The following ASB3 variants were observed in gnomAD, a reference collection of about 807,000 sequenced individuals.
ASB3 encodes ankyrin repeat and SOCS box containing 3.
ASB3 carries 41 observed loss-of-function variants against 54.5 expected under a neutral mutation model. That is an observed-to-expected ratio of 0.75 (90% CI 0.59 to 0.98). ASB3 has a LOEUF of 0.98. ASB3 is among the 50% of genes least tolerant of loss of function. ASB3 has a pLI of 0.00. For synonymous variants in ASB3, 266 were observed against 221.2 expected (o/e 1.20, Z -1.80); for missense variants, 733 against 620.0 (o/e 1.18, Z -1.94).
intron 9 of ASB3, among the ~76,000 whole-genome samples, chr2:53,686,963 G>C (rs1051790417): frequency 6.6e-6 from 1 of 152,106 alleles, no homozygotes; most frequent in African/African-American, 2.4e-5. Context: ...CAGGTGATCC[G>C]CCTGCCTTGG....
At position 53,736,113 on chromosome 2, in the gene ASB3, C is replaced by T. The variant is rs1168096964; in HGVS notation, c.356-6543G>A. Among the ~76,000 whole-genome samples, 11 of 151,748 alleles carry T rather than the reference C, an allele frequency of 7.2e-5. No homozygotes were observed. In the East Asian group the frequency reaches 1.9e-3, roughly 27 times the overall value. On this transcript the variant is annotated intron_variant, in intron 3 of 9. Transcript: ENST00000263634. ...TAAAGGTAAATAGTGATAAATTGGA[C>T]CACGTTAAAATTAAGAACTCCTTAA...
chr2:53,767,851 G>A, intron 1 of ASB3: 1 of 1,580,834 alleles, frequency 6.3e-7, no homozygotes, highest in South Asian at 1.1e-5. Flanking sequence ...CGACAGCTAG[G>A]GTTCACGGCC....
At chr2:53,690,254 T>TAAA (rs1202388490) in intron 9 of ASB3, among the ~76,000 whole-genome samples, 16 of 149,684 alleles carry the variant, frequency 1.1e-4, no homozygotes, top group African/African-American at 2.5e-4. Flanking sequence ...AATAAATAAA[T>TAAA]TAATTAATTA....
At chr2:53,780,156 A>G (rs538488468) in intron 1 of ASB3, among the ~76,000 whole-genome samples, 6 of 152,204 alleles carry the variant, frequency 3.9e-5, no homozygotes, top group Non-Finnish European at 8.8e-5. Flanking sequence ...TCAGTAATCA[A>G]AATGTCTTCC....
chr2:53,717,344 A>T (rs1395466059), intron 5 of ASB3, among the ~76,000 whole-genome samples: 1 of 152,204 alleles, frequency 6.6e-6, no homozygotes, highest in Non-Finnish European at 1.5e-5. Flanking sequence ...TATGACATAT[A>T]TGGGAGCCAC....
At chr2:53,767,859 G>C in intron 1 of ASB3, 1 of 1,588,510 alleles carries the variant, frequency 6.3e-7, no homozygotes, top group East Asian at 2.3e-5. Flanking sequence ...AGGGTTCACG[G>C]CCACTGGGGC....
intron 3 of ASB3, among the ~76,000 whole-genome samples, chr2:53,742,037 C>T (rs1572948229): frequency 6.6e-6 from 1 of 152,182 alleles, no homozygotes; most frequent in East Asian, 1.9e-4. Flanking sequence ...AAACTAAGTA[C>T]CAGGAAAAAA....
chr2:53,720,322 C>T (rs992790783), intron 5 of ASB3, among the ~76,000 whole-genome samples: 2 of 152,114 alleles, frequency 1.3e-5, no homozygotes, highest in Non-Finnish European at 2.9e-5. Context: ...GCATATGTTG[C>T]CAGGACCTCC....
chr2:53,696,339 C>T (rs1049726462), intron 8 of ASB3, among the ~76,000 whole-genome samples: 33 of 152,178 alleles, frequency 2.2e-4, no homozygotes, highest in African/African-American at 7.5e-4. Flanking sequence ...ACAGCACACA[C>T]CCAATGGCTT....
At chr2:53,772,396 A>C (rs370303924) in intron 1 of ASB3, among the ~76,000 whole-genome samples, 12 of 152,012 alleles carry the variant, frequency 7.9e-5, no homozygotes, top group Non-Finnish European at 1.8e-4. Context: ...GGATGGTCTC[A>C]ATCTCCCGAC....
At chr2:53,755,178 G>A (rs987513902) in intron 2 of ASB3, among the ~76,000 whole-genome samples, 2 of 152,200 alleles carry the variant, frequency 1.3e-5, no homozygotes, top group Non-Finnish European at 2.9e-5. Context: ...TTCACAACTT[G>A]TGAGTTATTT....
chr2:53,706,774 C>A (rs1669796877), intron 7 of ASB3, among the ~76,000 whole-genome samples: 1 of 152,014 alleles, frequency 6.6e-6, no homozygotes, highest in African/African-American at 2.4e-5. Context: ...GGAAGTCTTC[C>A]CCCAGCATTC....
chr2:53,696,133 G>A (rs1409516520), intron 8 of ASB3, among the ~76,000 whole-genome samples: 1 of 152,056 alleles, frequency 6.6e-6, no homozygotes, highest in Non-Finnish European at 1.5e-5. Flanking sequence ...ACCATGTTAA[G>A]CATTTTCATT....
At chr2:53,741,358 G>T (rs1671925057) in intron 3 of ASB3, among the ~76,000 whole-genome samples, 1 of 152,214 alleles carries the variant, frequency 6.6e-6, no homozygotes. Context: ...GTCACAAACT[G>T]GCTGTCAATG....
At position 53,700,502 on chromosome 2, in the gene ASB3, A is replaced by G; in HGVS notation, c.1007T>C (p.Ile336Thr). ...TATCTGGGCTCCATATTTCAAAAGAATGTTCACAATTCCAAAGAACTCACA... is the reference window on the plus strand; with the variant it reads ...TATCTGGGCTCCATATTTCAAAAGAGTGTTCACAATTCCAAAGAACTCACA... The part of the protein sequence containing the change: ...KDCEFFGIVN[I>T]LLKYGAQINE... The change falls in exon 8 of 10, where the codon ATT becomes ACT. Residue 336 changes from isoleucine (I) to threonine (T), a missense_variant. Ile to Thr is a moderately conservative substitution (Grantham distance 89). Coordinates refer to ENST00000263634, the MANE Select transcript of ASB3 (RefSeq NM_016115.5). The G allele has an allele frequency of 1.2e-6, 2 of 1,612,086 alleles. No homozygotes were observed. Among genetic ancestry groups the G allele is most frequent in the Non-Finnish European group, 1.7e-6 (2 of 1,179,326 alleles).
chr2:53,670,324 G>T lies in ASB3; in HGVS notation c.*179C>A. Reference sequence around the variant, plus strand: ...TTTTTTTTTTTTTTTTTTTTACTGGGAAGGCTAGTTGTAAACATAAACATT... The same window carrying T: ...TTTTTTTTTTTTTTTTTTTTACTGGTAAGGCTAGTTGTAAACATAAACATT... On this transcript the variant is annotated 3_prime_UTR_variant, in exon 10 of 10. Coordinates refer to ENST00000263634, the MANE Select transcript of ASB3 (RefSeq NM_016115.5). The T allele has an allele frequency of 6.5e-6, 2 of 306,246 alleles. No individual in the cohort carries two copies. The highest frequency in any genetic ancestry group is 1.1e-5 in the Non-Finnish European group (2 of 177,554). The allele number at this position is 306,246 out of a possible 1,614,324, so 19.0% of individuals were successfully genotyped here. A position where few individuals can be genotyped will look rare whatever the true frequency, so the allele number is the denominator to read the frequency against.
chr2:53,675,051 C>T (rs2103632249), intron 9 of ASB3, among the ~76,000 whole-genome samples: 1 of 152,284 alleles, frequency 6.6e-6, no homozygotes, highest in African/African-American at 2.4e-5. Context: ...TCTAAATATT[C>T]TGACTTTCAG....
chr2:53,752,935 G>A (rs1340604674), intron 2 of ASB3, among the ~76,000 whole-genome samples: 1 of 151,708 alleles, frequency 6.6e-6, no homozygotes, highest in African/African-American at 2.4e-5. Context: ...TTGTAAAGTA[G>A]AAAAGATGTT....
chr2:53,716,051 A>G lies in ASB3; in HGVS notation c.782+515T>C, dbSNP rs139703153. Among the ~76,000 whole-genome samples the G allele has an allele frequency of 2.3e-4, 35 of 152,306 alleles. No homozygotes were observed. In the East Asian group the frequency reaches 5.2e-3, roughly 23 times the overall value. On this transcript the variant is annotated intron_variant, in intron 6 of 9. Transcript: ENST00000263634. ...TAGCCATATTCTCACAGGTATAACC[A>G]AGTTACTAGCTTCTAAGATTCCTGG...
Sources: allele counts gnomAD v4.1 joint callset (sites outside exome capture counted in the v4.1 genomes callset), GRCh38; gene constraint gnomAD v4.1.1; transcripts MANE v1.5; gene names NCBI Gene and HGNC (gene_info 2026-07-23, HGNC 2026-07-21).